Variants in ATRNL1 observed in about 807,000 individuals in gnomAD.
The protein encoded by ATRNL1 is attractin-like protein 1.
In ATRNL1, 95 loss-of-function variants were observed where a neutral mutation model predicts 182.7. The ratio of observed to expected loss-of-function variants is 0.52; its 90% CI spans 0.44 to 0.62. The LOEUF (loss-of-function observed/expected upper bound fraction) is 0.62. ATRNL1 is among the 20% of genes least tolerant of loss of function. The pLI is 0.00. For missense variants in ATRNL1, 1,471 were observed against 1,679.5 expected, an observed-to-expected ratio of 0.88 and a Z score of 2.17; for synonymous variants, 576 against 568.3, an observed-to-expected ratio of 1.01 and a Z score of -0.19.
chr10:115,319,374 G>T (rs1854467715), intron 18 of ATRNL1, among the ~76,000 whole-genome samples: 1 of 152,226 alleles, frequency 6.6e-6, no homozygotes, highest in South Asian at 2.1e-4. Flanking sequence ...TTGATTTGGG[G>T]TGGAGAGTTT....
chr10:115,589,197 T>G (rs1855757787), intron 26 of ATRNL1, among the ~76,000 whole-genome samples: 1 of 152,198 alleles, frequency 6.6e-6, no homozygotes, highest in African/African-American at 2.4e-5. Context: ...TTGAATATTA[T>G]TAACAAACTT....
chr10:115,626,333 A>G (rs1263010106), intron 26 of ATRNL1, among the ~76,000 whole-genome samples: 1 of 152,190 alleles, frequency 6.6e-6, no homozygotes, highest in Non-Finnish European at 1.5e-5. Context: ...TCAGTGGCCA[A>G]ATCAACATAG....
intron 26 of ATRNL1, among the ~76,000 whole-genome samples, chr10:115,671,027 G>T (rs1449105018): frequency 6.6e-6 from 1 of 152,122 alleles, no homozygotes; most frequent in East Asian, 1.9e-4. Context: ...TTCTGTGGTA[G>T]TGGGGTTGGA....
At chr10:115,904,837 C>G (rs781941010) in intron 28 of ATRNL1, among the ~76,000 whole-genome samples, 1 of 152,192 alleles carries the variant, frequency 6.6e-6, no homozygotes, top group Non-Finnish European at 1.5e-5. Flanking sequence ...CAATCAGATT[C>G]TCTTATCCTA....
At chr10:115,824,804 TTGG>T (rs1950390107) in intron 27 of ATRNL1, among the ~76,000 whole-genome samples, 1 of 152,206 alleles carries the variant, frequency 6.6e-6, no homozygotes, top group Admixed American at 6.5e-5. Context: ...TTGTACACTG[TTGG>T]TGGGTGTGTA....
intron 26 of ATRNL1, among the ~76,000 whole-genome samples, chr10:115,608,803 C>G (rs1857000633): frequency 6.6e-6 from 1 of 151,918 alleles, no homozygotes; most frequent in Non-Finnish European, 1.5e-5. Context: ...TGGCATTCCT[C>G]TGTTTTCGCT....
At chr10:115,795,703 G>T (rs1593227261) in intron 27 of ATRNL1, among the ~76,000 whole-genome samples, 3 of 152,038 alleles carry the variant, frequency 2.0e-5, no homozygotes, top group Non-Finnish European at 4.4e-5. Context: ...AAGAGGAGGT[G>T]CTAAATGCTT....
At chr10:115,641,097 C>T (rs949724771) in intron 26 of ATRNL1, among the ~76,000 whole-genome samples, 8 of 151,982 alleles carry the variant, frequency 5.3e-5, no homozygotes, top group South Asian at 2.1e-4. Context: ...TGTTATTTTG[C>T]CCTGATCTGG....
chr10:115,336,978 TGGGGGGGG>T (rs34446671), intron 19 of ATRNL1, among the ~76,000 whole-genome samples: 1,947 of 143,478 alleles, frequency 0.014, 37 homozygotes, highest in African/African-American at 0.046. Flanking sequence ...CCCAAGTAGC[TGGGGGGGG>T]GGGACTACAG....
chr10:115,619,505 C>T (rs1857608990), intron 26 of ATRNL1, among the ~76,000 whole-genome samples: 1 of 152,184 alleles, frequency 6.6e-6, no homozygotes, highest in Admixed American at 6.5e-5. Context: ...TCTTCAGGCC[C>T]CTAGGCCACA....
chr10:115,440,912 C>G (rs1230722753), intron 21 of ATRNL1, among the ~76,000 whole-genome samples: 1 of 151,884 alleles, frequency 6.6e-6, no homozygotes, highest in Non-Finnish European at 1.5e-5. Flanking sequence ...CATCTCTATT[C>G]TCAAACCTTT....
chr10:115,582,135 A>T (rs1464052923), intron 26 of ATRNL1, among the ~76,000 whole-genome samples: 3 of 151,874 alleles, frequency 2.0e-5, no homozygotes, highest in Admixed American at 6.5e-5. Flanking sequence ...TTCTTAATCC[A>T]GTCTATCATT....
At chr10:115,109,190 C>G (rs567921079) in intron 1 of ATRNL1, among the ~76,000 whole-genome samples, 92 of 152,132 alleles carry the variant, frequency 6.0e-4, no homozygotes, top group African/African-American at 2.0e-3. Context: ...CCAGCCTCTA[C>G]TTATTGCTGA....
At chr10:115,409,692 A>G (rs533457940) in intron 20 of ATRNL1, among the ~76,000 whole-genome samples, 2 of 152,324 alleles carry the variant, frequency 1.3e-5, no homozygotes, top group South Asian at 2.1e-4. Flanking sequence ...AACCAAGAGC[A>G]TGATAGTAAA....
At chr10:115,519,216 T>A (rs782103139) in intron 24 of ATRNL1, 47 bp from the exon 25 acceptor site, 6 of 1,477,290 alleles carry the variant, frequency 4.1e-6, no homozygotes, top group Non-Finnish European at 5.6e-6. Flanking sequence ...TCACCACAGG[T>A]TTTAGAGAAG....
At chr10:115,872,537 C>T (rs1951608655) in intron 28 of ATRNL1, among the ~76,000 whole-genome samples, 1 of 152,112 alleles carries the variant, frequency 6.6e-6, no homozygotes, top group Non-Finnish European at 1.5e-5. Flanking sequence ...GTTAAATAAA[C>T]ACCAGCAAGT....
chr10:115,147,066 G>C (rs1386318897), intron 5 of ATRNL1, among the ~76,000 whole-genome samples: 6 of 152,000 alleles, frequency 3.9e-5, no homozygotes, highest in Non-Finnish European at 8.8e-5. Flanking sequence ...TACCATAGTG[G>C]CTGTACTAAT....
At chr10:115,537,364 C>T (rs548893566) in intron 25 of ATRNL1, among the ~76,000 whole-genome samples, 1 of 152,170 alleles carries the variant, frequency 6.6e-6, no homozygotes, top group Non-Finnish European at 1.5e-5. Context: ...ATTTACTGTA[C>T]TGGGAAACAG....
intron 19 of ATRNL1, among the ~76,000 whole-genome samples, chr10:115,379,458 C>A (rs1036988328): frequency 1.3e-5 from 2 of 152,150 alleles, no homozygotes; most frequent in African/African-American, 2.4e-5. Context: ...AATGGTAATT[C>A]TTTTAAGAAA....
Sources: allele counts gnomAD v4.1 joint callset (sites outside exome capture counted in the v4.1 genomes callset), GRCh38; gene constraint gnomAD v4.1.1; transcripts MANE v1.5; gene names NCBI Gene and HGNC (gene_info 2026-07-23, HGNC 2026-07-21).